STARD13: variants seen among roughly 807,000 people sequenced by gnomAD.
The protein encoded by STARD13 is StAR related lipid transfer domain containing 13.
STARD13 carries 62 observed loss-of-function variants against 106.4 expected under a neutral mutation model. That is an observed-to-expected ratio of 0.58 (90% confidence interval 0.48 to 0.72). STARD13 has a LOEUF of 0.72. STARD13 is among the 30% of genes least tolerant of loss of function. The pLI is 0.00. For missense variants in STARD13, 1,387 were observed against 1,424.0 expected, an observed-to-expected ratio of 0.97 and a Z score of 0.42; for synonymous variants, 565 against 553.0, an observed-to-expected ratio of 1.02 and a Z score of -0.31.
chr13:33,499,574 TTC>T, the STARD13 span, among the ~76,000 whole-genome samples: 6 of 68,848 alleles, frequency 8.7e-5, no homozygotes, highest in Non-Finnish European at 1.5e-4. Flanking sequence ...CTTCTTCTTC[TTC>T]TTCTTCTTCT....
chr13:33,629,505 A>G, the STARD13 span, among the ~76,000 whole-genome samples: 1 of 152,230 alleles, frequency 6.6e-6, no homozygotes, highest in African/African-American at 2.4e-5. Context: ...CTTAACATAA[A>G]TATTCAAATG....
chr13:33,252,494 T>C (rs1890137575), intron 1 of STARD13, among the ~76,000 whole-genome samples: 1 of 152,210 alleles, frequency 6.6e-6, no homozygotes, highest in Non-Finnish European at 1.5e-5. Context: ...TCAAATGGAC[T>C]AAACAACCAG....
chr13:33,233,078 T>C (rs1042172369), intron 1 of STARD13, among the ~76,000 whole-genome samples: 1 of 152,230 alleles, frequency 6.6e-6, no homozygotes, highest in Non-Finnish European at 1.5e-5. Context: ...CTCAATGTGA[T>C]AGCGACAGGA....
At chr13:33,185,930 A>C in intron 1 of STARD13, 1 of 1,614,250 alleles carries the variant, frequency 6.2e-7, no homozygotes, top group Non-Finnish European at 8.5e-7. Context: ...CACCACAGAC[A>C]GTGTCTTTGC....
the STARD13 span, among the ~76,000 whole-genome samples, chr13:33,620,020 A>G: frequency 6.6e-6 from 1 of 152,080 alleles, no homozygotes; most frequent in African/African-American, 2.4e-5. Flanking sequence ...TCGTGCCACT[A>G]TACTCCAGCC....
intron 1 of STARD13, among the ~76,000 whole-genome samples, chr13:33,174,998 G>A (rs531649977): frequency 6.6e-6 from 1 of 152,310 alleles, no homozygotes; most frequent in East Asian, 1.9e-4. Flanking sequence ...GCAAGTGAAT[G>A]AGGAAACTCA....
the STARD13 span, among the ~76,000 whole-genome samples, chr13:33,404,374 G>A: frequency 6.6e-6 from 1 of 152,126 alleles, no homozygotes; most frequent in African/African-American, 2.4e-5. Context: ...AAAATAAAAT[G>A]CTCTGTTGTT....
chr13:33,404,494 T>C, the STARD13 span, among the ~76,000 whole-genome samples: 1 of 152,196 alleles, frequency 6.6e-6, no homozygotes, highest in Non-Finnish European at 1.5e-5. Flanking sequence ...TTAGAATGCA[T>C]GGCTGGTGAC....
At chr13:33,488,490 C>G in the STARD13 span, among the ~76,000 whole-genome samples, 4 of 152,192 alleles carry the variant, frequency 2.6e-5, no homozygotes, top group Admixed American at 6.5e-5. Context: ...ATATCTGGCT[C>G]TTTCCTCCTC....
chr13:33,561,193 G>A, the STARD13 span, among the ~76,000 whole-genome samples: 11 of 151,178 alleles, frequency 7.3e-5, no homozygotes, highest in African/African-American at 2.2e-4. Flanking sequence ...ACAGATAGAT[G>A]TTAGCCTTGC....
chr13:33,641,159 T>C, the STARD13 span, among the ~76,000 whole-genome samples: 7 of 152,312 alleles, frequency 4.6e-5, no homozygotes, highest in African/African-American at 1.4e-4. Flanking sequence ...ATTCCTTCAT[T>C]CTGAGTATGG....
upstream of STARD13, among the ~76,000 whole-genome samples, chr13:33,287,925 G>A (rs1486546257): frequency 1.3e-5 from 2 of 152,026 alleles, no homozygotes; most frequent in South Asian, 2.1e-4. Flanking sequence ...AAAAGGTAAA[G>A]GTGAGGAAAA....
chr13:33,486,622 T>C, the STARD13 span, among the ~76,000 whole-genome samples: 1 of 152,306 alleles, frequency 6.6e-6, no homozygotes, highest in East Asian at 1.9e-4. Context: ...TCTTTCCTTA[T>C]TGATGCTTTT....
the STARD13 span, among the ~76,000 whole-genome samples, chr13:33,359,015 G>T: frequency 9.9e-5 from 15 of 152,084 alleles, no homozygotes; most frequent in Non-Finnish European, 1.6e-4. Flanking sequence ...ACCAATCAGC[G>T]CCCTGACAAA....
At chr13:33,230,240 T>C (rs1888845869) in intron 1 of STARD13, among the ~76,000 whole-genome samples, 4 of 152,224 alleles carry the variant, frequency 2.6e-5, no homozygotes, top group Admixed American at 2.6e-4. Flanking sequence ...CATAAGATCA[T>C]CATCTGCAGC....
At chr13:33,665,177 G>T in the STARD13 span, among the ~76,000 whole-genome samples, 1 of 152,152 alleles carries the variant, frequency 6.6e-6, no homozygotes, top group Non-Finnish European at 1.5e-5. Flanking sequence ...GGAAGTTCTT[G>T]ATCATGTTTT....
chr13:33,209,957 C>T (rs981873099), intron 1 of STARD13, among the ~76,000 whole-genome samples: 2 of 152,120 alleles, frequency 1.3e-5, no homozygotes, highest in African/African-American at 2.4e-5. Flanking sequence ...CAGTGATAGA[C>T]CAAGATCCTG....
At position 33,127,417 on chromosome 13, in the gene STARD13, G is replaced by T; in HGVS notation, c.1878C>A (p.Ala626=). ...LQRFSLLRLT[A]IMEKHSMSNK... is the part of the protein sequence containing the mutation. Reference sequence around the variant, plus strand: ...TGGACATGGAGTGCTTCTCCATGATGGCCGTGAGGCGGAGCAGTGAGAAGC... The same window carrying T: ...TGGACATGGAGTGCTTCTCCATGATTGCCGTGAGGCGGAGCAGTGAGAAGC... Residue 626 remains alanine (A), a synonymous_variant, in exon 6 of 14, where the codon GCC becomes GCA. Transcript: ENST00000336934. The T allele has an allele frequency of 6.2e-7, 1 of 1,605,232 alleles. No individual in the cohort carries two copies.
rs188389844 is a variant in STARD13, at chr13:33,343,330, C to G, written c.124+6960G>C. Among the ~76,000 whole-genome samples, 330 of 150,950 alleles carry G rather than the reference C, an allele frequency of 2.2e-3. 1 individual carries two copies. Among genetic ancestry groups the G allele is most frequent in the African/African-American group, 7.7e-3 (318 of 41,204 alleles). Reference sequence around the variant, plus strand: ...TGGCTCATGCCTATCATCCCAGCACCTTGGGAGGTGGAGGTGGGAACATTG... The same window carrying G: ...TGGCTCATGCCTATCATCCCAGCACGTTGGGAGGTGGAGGTGGGAACATTG... On this transcript the variant is annotated intron_variant, in intron 1 of 5. Coordinates refer to the STARD13 transcript ENST00000567873.
Sources: gnomAD v4.1 joint callset for allele counts (sites outside exome capture counted in the v4.1 genomes callset) on GRCh38, gnomAD v4.1.1 for gene constraint, MANE v1.5 for transcripts, NCBI Gene and HGNC (gene_info 2026-07-23, HGNC 2026-07-21) for gene names.